The following CNKSR2 variants were observed in gnomAD, a reference collection of about 807,000 sequenced individuals.
CNKSR2 encodes the protein CNK homolog protein 2.
CNKSR2 carries 14 observed loss-of-function variants against 84.4 expected under a neutral mutation model. The observed-to-expected ratio is 0.17, with a 90% CI of 0.11 to 0.26. CNKSR2 has a LOEUF of 0.26. Among genes scored for constraint, CNKSR2 ranks in the 10% least tolerant of loss-of-function variants. The pLI is 1.00. For missense variants in CNKSR2, 485 were observed against 771.2 expected (o/e 0.63, Z 4.40); for synonymous variants, 275 against 277.9 (o/e 0.99, Z 0.10).
rs143132684 is a variant in CNKSR2 at position 21,414,570 on chromosome X, A to T, written c.65-11927A>T. ...TTCCTTTGCTGTGCAGAAGCAAAGGACCCCATTTGTTCATTTTTGCTTTGG... is the reference window on the plus strand; with the variant it reads ...TTCCTTTGCTGTGCAGAAGCAAAGGTCCCCATTTGTTCATTTTTGCTTTGG... On this transcript the variant is annotated intron_variant, in intron 1 of 21. Transcript: ENST00000379510. Among the ~76,000 whole-genome samples, 251 of 109,574 alleles carry T rather than the reference A, an allele frequency of 2.3e-3. 1 individual carries two copies. The highest frequency in any genetic ancestry group is 3.9e-3 in the Non-Finnish European group (205 of 52,533).
chrX:21,635,813 A>C (rs770945135), intron 20 of CNKSR2, among the ~76,000 whole-genome samples: 6 of 110,314 alleles, frequency 5.4e-5, no homozygotes, highest in Non-Finnish European at 1.1e-4. Context: ...CATAACCCCA[A>C]CTCCCCAGGC....
intron 4 of CNKSR2, among the ~76,000 whole-genome samples, chrX:21,462,775 G>A (rs1039275489): frequency 3.9e-5 from 4 of 103,162 alleles, no homozygotes; most frequent in Admixed American, 1.1e-4. Flanking sequence ...GTACGGTGAC[G>A]TGATCTCAGC....
chrX:21,541,684 A>G (rs750422614), intron 11 of CNKSR2, among the ~76,000 whole-genome samples: 1 of 112,030 alleles, frequency 8.9e-6, no homozygotes, highest in Non-Finnish European at 1.9e-5. Flanking sequence ...GCGTTCAGGT[A>G]TGCCAAACAC....
intron 3 of CNKSR2, among the ~76,000 whole-genome samples, chrX:21,440,354 T>G (rs1209584092): frequency 1.8e-5 from 2 of 111,712 alleles, no homozygotes; most frequent in African/African-American, 3.2e-5. Flanking sequence ...AATCTTAGAT[T>G]CTTTTGAAAA....
chrX:21,627,836 C>T (rs1293926742), intron 20 of CNKSR2, among the ~76,000 whole-genome samples: 1 of 111,053 alleles, frequency 9.0e-6, no homozygotes, highest in African/African-American at 3.3e-5. Flanking sequence ...TATTATTCCA[C>T]CCCTGGCCCC....
intron 1 of CNKSR2, among the ~76,000 whole-genome samples, chrX:21,395,658 GATGAT>G (rs2090111489): frequency 9.0e-6 from 1 of 111,297 alleles, no homozygotes; most frequent in African/African-American, 3.3e-5. Context: ...AAGAAAGTTG[GATGAT>G]ATGATCTTAA....
chrX:21,393,790 A>G, intron 1 of CNKSR2, among the ~76,000 whole-genome samples: 2 of 112,572 alleles, frequency 1.8e-5, no homozygotes, highest in Admixed American at 1.9e-4. Flanking sequence ...GTAGGCTGCT[A>G]AGAAATTAGT....
intron 11 of CNKSR2, among the ~76,000 whole-genome samples, chrX:21,534,954 T>C (rs2091914637): frequency 9.0e-6 from 1 of 111,005 alleles, no homozygotes; most frequent in Non-Finnish European, 1.9e-5. Flanking sequence ...AATATTTGCC[T>C]AGACCAATGT....
intron 11 of CNKSR2, among the ~76,000 whole-genome samples, chrX:21,544,994 G>T: frequency 9.0e-6 from 1 of 111,341 alleles, no homozygotes; most frequent in Non-Finnish European, 1.9e-5. Flanking sequence ...AGCTGCAGGA[G>T]TTTTTTCCTA....
chrX:21,405,950 A>G (rs1325781581), intron 1 of CNKSR2, among the ~76,000 whole-genome samples: 1 of 111,021 alleles, frequency 9.0e-6, no homozygotes, highest in East Asian at 2.8e-4. Context: ...TGTAGATTCT[A>G]CATAGCAGAG....
At chrX:21,601,409 A>G (rs2092481489) in intron 18 of CNKSR2, 60 bp downstream of exon 18, 1 of 705,756 alleles carries the variant, frequency 1.4e-6, no homozygotes, top group Non-Finnish European at 2.1e-6. Context: ...GTTATCCTAT[A>G]CAGAAATTCA....
intron 1 of CNKSR2, among the ~76,000 whole-genome samples, chrX:21,413,383 T>C (rs2090371797): frequency 9.0e-6 from 1 of 110,950 alleles, no homozygotes; most frequent in African/African-American, 3.3e-5. Flanking sequence ...AGGCATGCAA[T>C]GTGAAATAAT....
intron 2 of CNKSR2, among the ~76,000 whole-genome samples, chrX:21,429,976 A>G (rs2090614409): frequency 1.8e-5 from 2 of 112,281 alleles, no homozygotes; most frequent in Admixed American, 1.9e-4. Context: ...TTAAAATAGT[A>G]GCACATAAAT....
At chrX:21,533,606 C>T (rs753733546) in intron 11 of CNKSR2, among the ~76,000 whole-genome samples, 6 of 111,051 alleles carry the variant, frequency 5.4e-5, no homozygotes, top group African/African-American at 2.0e-4. Context: ...TTTTAAAGCC[C>T]CTAATGCCAT....
chrX:21,432,866 A>C (rs2090655030), intron 3 of CNKSR2, 52 bp downstream of exon 3: 2 of 1,132,858 alleles, frequency 1.8e-6, no homozygotes, highest in East Asian at 6.0e-5. Context: ...CACCAGTTTG[A>C]ATATAACATT....
intron 20 of CNKSR2, among the ~76,000 whole-genome samples, chrX:21,626,343 C>T (rs1470283081): frequency 9.4e-6 from 1 of 106,410 alleles, no homozygotes; most frequent in Non-Finnish European, 1.9e-5. Context: ...TAGATGAGTA[C>T]AGATGAGACA....
intron 7 of CNKSR2, among the ~76,000 whole-genome samples, chrX:21,498,381 G>C (rs1353777956): frequency 2.7e-5 from 3 of 111,406 alleles, no homozygotes; most frequent in African/African-American, 9.8e-5. Flanking sequence ...AAATTCTGGA[G>C]ACCAGCCTAT....
intron 8 of CNKSR2, 141 bp downstream of exon 8, chrX:21,501,729 C>A: frequency 8.7e-6 from 3 of 343,460 alleles, no homozygotes. Context: ...AATATTTATT[C>A]TTCTTAATTA....
intron 4 of CNKSR2, among the ~76,000 whole-genome samples, chrX:21,450,032 CCTCT>C (rs2090906936): frequency 9.0e-6 from 1 of 110,701 alleles, no homozygotes; most frequent in African/African-American, 3.3e-5. Context: ...TTGAATGTAA[CCTCT>C]CTCTCCTCAA....
Sources: gnomAD v4.1 joint callset for allele counts (sites outside exome capture counted in the v4.1 genomes callset) on GRCh38, gnomAD v4.1.1 for gene constraint, MANE v1.5 for transcripts, NCBI Gene and HGNC (gene_info 2026-07-23, HGNC 2026-07-21) for gene names.